HOXC5: variants seen among roughly 807,000 people sequenced by gnomAD.
HOXC5 encodes the protein homeobox protein Hox-C5.
HOXC5 carries 19 observed loss-of-function variants against 20.1 expected under a neutral mutation model. That is an observed-to-expected ratio of 0.94 (90% confidence interval 0.66 to 1.38). HOXC5 has a LOEUF of 1.38. Among genes scored for constraint, HOXC5 ranks in the 40% most tolerant of loss-of-function variants. The pLI, the probability that HOXC5 is intolerant of heterozygous loss-of-function variation, is 0.00. For synonymous variants in HOXC5, 124 were observed against 117.0 expected, an observed-to-expected ratio of 1.06 and a Z score of -0.39; for missense variants, 330 against 300.1, an observed-to-expected ratio of 1.10 and a Z score of -0.74.
the HOXC5 span, among the ~76,000 whole-genome samples, chr12:54,018,944 TG>T: frequency 2.0e-5 from 3 of 152,102 alleles, no homozygotes; most frequent in South Asian, 6.2e-4. Flanking sequence ...CCGTCGCCTG[TG>T]GGGGGGCGGG....
At chr12:54,029,289 G>T (rs1940876443), upstream of HOXC5, among the ~76,000 whole-genome samples, 1 of 152,196 alleles carries the variant, frequency 6.6e-6, no homozygotes, top group Admixed American at 6.5e-5. Flanking sequence ...GAACTAGGAT[G>T]CTTGGGGAGA....
At chr12:54,028,467 G>A, upstream of HOXC5, 1 of 1,558,046 alleles carries the variant, frequency 6.4e-7, no homozygotes, top group African/African-American at 1.4e-5. Context: ...AGTACAAACT[G>A]GAGACAGAAA....
At position 54,034,582 on chromosome 12, in the gene HOXC5, C is replaced by T; in HGVS notation, c.*90C>T. The T allele has an allele frequency of 1.8e-6, 2 of 1,126,876 alleles. No homozygotes were observed. Among genetic ancestry groups the T allele is most frequent in the South Asian group, 1.4e-5 (1 of 70,106 alleles). The allele number at this position is 1,126,876 out of a possible 1,614,324, so 69.8% of individuals were successfully genotyped here. ...CGCCTTTCCTCTCTATATTTCGGGT[C>T]GGGGGCAGGTGCTGGAGCACTGGGC... On this transcript the variant is annotated 3_prime_UTR_variant, in exon 2 of 2. Coordinates refer to ENST00000312492, the MANE Select transcript of HOXC5 (RefSeq NM_018953.4).
upstream of HOXC5, chr12:54,029,634 G>C (rs1940904245): frequency 6.2e-7 from 1 of 1,606,038 alleles, no homozygotes; most frequent in South Asian, 1.1e-5. Flanking sequence ...CTTTTAGTGT[G>C]TTTTGTGCCC....
upstream of HOXC5, chr12:54,030,139 A>G (rs1021782622): frequency 4.3e-5 from 26 of 601,372 alleles, no homozygotes; most frequent in Middle Eastern, 1.1e-3. Context: ...CCCTCACCGC[A>G]CAACTCTCTT....
the HOXC5 span, among the ~76,000 whole-genome samples, chr12:54,026,444 A>T: frequency 6.6e-6 from 1 of 152,260 alleles, no homozygotes; most frequent in Non-Finnish European, 1.5e-5. Flanking sequence ...CACCCCAAAA[A>T]TGAGATAACT....
chr12:54,026,112 C>T, the HOXC5 span, among the ~76,000 whole-genome samples: 1 of 152,144 alleles, frequency 6.6e-6, no homozygotes. Context: ...AGCAATCTCT[C>T]TCTGAAATTG....
chr12:54,028,415 T>C, upstream of HOXC5: 1 of 1,254,542 alleles, frequency 8.0e-7, no homozygotes, highest in Middle Eastern at 2.2e-4. Flanking sequence ...TGTCATTTTG[T>C]CTGTCCTGGA....
the HOXC5 span, among the ~76,000 whole-genome samples, chr12:54,019,392 G>A: frequency 6.6e-6 from 1 of 152,206 alleles, no homozygotes; most frequent in Non-Finnish European, 1.5e-5. Context: ...GGAACCCGGA[G>A]TCTGTGGGAC....
At chr12:54,020,728 A>AGCAGGCCCTCTGT in the HOXC5 span, 1 of 152,158 alleles carries the variant, frequency 6.6e-6, no homozygotes, top group Non-Finnish European at 1.5e-5. Flanking sequence ...GGGTGCACTG[A>AGCAGGCCCTCTGT]GCAGGCCCTC....
the HOXC5 span, among the ~76,000 whole-genome samples, chr12:54,026,973 G>GGA: frequency 2.3e-4 from 33 of 140,692 alleles, no homozygotes; most frequent in African/African-American, 7.5e-4. Context: ...GTGGGGGGGG[G>GGA]GGGATATGAG....
At position 54,034,740 on chromosome 12, in the gene HOXC5, A is replaced by C; in HGVS notation, c.*248A>C. The C allele has an allele frequency of 1.9e-6, 1 of 515,060 alleles. No individual in the cohort carries two copies. Among genetic ancestry groups the C allele is most frequent in the Non-Finnish European group, 3.5e-6 (1 of 283,676 alleles). 31.9% of individuals were successfully genotyped at this position (515,060 alleles called of 1,614,324 possible). On this transcript the variant is annotated 3_prime_UTR_variant, in exon 2 of 2. Transcript: ENST00000312492. ...CAGCTCGGTACCCGGGGCCCAGGGC[A>C]AGCTCCGCAGGACTTCCCCGGAGGG... is the stretch of plus-strand genomic sequence containing the variant.
At position 54,034,600 on chromosome 12, in the gene HOXC5, C is replaced by A; in HGVS notation, c.*108C>A. Reference sequence around the variant, plus strand: ...TTCGGGTCGGGGGCAGGTGCTGGAGCACTGGGCTCCCGGGCCCCACAGACA... The same window carrying A: ...TTCGGGTCGGGGGCAGGTGCTGGAGAACTGGGCTCCCGGGCCCCACAGACA... On this transcript the variant is annotated 3_prime_UTR_variant, in exon 2 of 2. Coordinates refer to ENST00000312492, the MANE Select transcript of HOXC5 (RefSeq NM_018953.4). 1 of 882,696 alleles carries A rather than the reference C, an allele frequency of 1.1e-6. No homozygotes were observed. Among genetic ancestry groups the A allele is most frequent in the Non-Finnish European group, 1.7e-6 (1 of 573,456 alleles). The allele number at this position is 882,696 out of a possible 1,614,324, so 54.7% of individuals were successfully genotyped here.
At chr12:54,030,192 C>A, upstream of HOXC5, 1 of 464,720 alleles carries the variant, frequency 2.2e-6, no homozygotes, top group Non-Finnish European at 3.8e-6. Flanking sequence ...CTAGCTCGTT[C>A]TCGGCTTGTC....
chr12:54,018,465 G>GT, the HOXC5 span, among the ~76,000 whole-genome samples: 1 of 152,226 alleles, frequency 6.6e-6, no homozygotes, highest in Non-Finnish European at 1.5e-5. Context: ...GGCTTATGGG[G>GT]TAGAGGCGTC....
In HOXC5 at chr12:54,033,272, A is replaced by G; in HGVS notation, c.150A>G (p.Pro50=). 6.2e-7 allele frequency: 1 copy of G among 1,611,960 alleles called. No individual in the cohort carries two copies. The highest frequency in any genetic ancestry group is 1.1e-5 in the South Asian group (1 of 91,054). ...YGGLDLSITF[P]PPAPSNSLHG... is the part of the protein sequence containing the mutation. ...GATTGGACTTAAGCATCACTTTCCC[A>G]CCGCCTGCGCCTTCCAACTCTCTCC... Residue 50 remains proline (P), a synonymous_variant, in exon 1 of 2, where the codon CCA becomes CCG. Transcript: ENST00000312492.
upstream of HOXC5, among the ~76,000 whole-genome samples, chr12:54,032,084 T>C (rs1295368242): frequency 1.3e-5 from 2 of 152,228 alleles, no homozygotes; most frequent in Admixed American, 6.5e-5. Context: ...ACCTCTGGCA[T>C]AGGTACCACA....
At chr12:54,028,383 C>T (rs1940823530), upstream of HOXC5, 2 of 911,106 alleles carry the variant, frequency 2.2e-6, no homozygotes, top group South Asian at 1.9e-5. Context: ...TTGCGATTGG[C>T]TGGGAGGGGG....
Position 54,034,721 on chromosome 12 carries a change from G to T in HOXC5, c.*229G>T. 1 of 534,906 alleles carries T rather than the reference G, an allele frequency of 1.9e-6. No individual in the cohort carries two copies. Among genetic ancestry groups the T allele is most frequent in the Non-Finnish European group, 3.4e-6 (1 of 296,894 alleles). 33.1% of individuals were successfully genotyped at this position (534,906 alleles called of 1,614,324 possible). A position where few individuals can be genotyped will look rare whatever the true frequency, so the allele number is the denominator to read the frequency against. On this transcript the variant is annotated 3_prime_UTR_variant, in exon 2 of 2. Coordinates refer to ENST00000312492, the MANE Select transcript of HOXC5 (RefSeq NM_018953.4). ...ATCTCCCCTCAGCTCGGCTCAGCTC[G>T]GTACCCGGGGCCCAGGGCAAGCTCC...
Sources: gnomAD v4.1 joint callset for allele counts (sites outside exome capture counted in the v4.1 genomes callset) on GRCh38, gnomAD v4.1.1 for gene constraint, MANE v1.5 for transcripts, NCBI Gene and HGNC (gene_info 2026-07-23, HGNC 2026-07-21) for gene names.